The following PCDH9 variants were observed in gnomAD, a reference collection of about 807,000 sequenced individuals.
The protein encoded by PCDH9 is protocadherin 9.
PCDH9 carries 24 observed loss-of-function variants against 70.6 expected under a neutral mutation model. That is an observed-to-expected ratio of 0.34 (90% CI 0.25 to 0.48). The LOEUF (loss-of-function observed/expected upper bound fraction) is 0.48. Among genes scored for constraint, PCDH9 ranks in the 20% least tolerant of loss-of-function variants. PCDH9 has a pLI of 0.99. For missense variants in PCDH9, 1,281 were observed against 1,503.6 expected (o/e 0.85, Z 2.45); for synonymous variants, 562 against 558.5 (o/e 1.01, Z -0.09).
chr13:66,851,931 C>T (rs1432055144), intron 3 of PCDH9, among the ~76,000 whole-genome samples: 1 of 152,082 alleles, frequency 6.6e-6, no homozygotes, highest in Non-Finnish European at 1.5e-5. Flanking sequence ...CCCTTCCTAC[C>T]TTGCATATGC....
At position 66,318,585 on chromosome 13, in the gene PCDH9, G is replaced by A. The variant is rs910051533; in HGVS notation, c.3341-13557C>T. On this transcript the variant is annotated intron_variant, in intron 4 of 4. Transcript: ENST00000377865. ...TGCATGCAAAATTTTAGGAAAGCCT[G>A]TATTACCCTCAGAATAAAATGTCTT... Among the ~76,000 whole-genome samples, 5 of 152,120 alleles carry A rather than the reference G, an allele frequency of 3.3e-5. No homozygotes were observed. The South Asian group carries it at 8.3e-4, about 25-fold the overall frequency.
intron 4 of PCDH9, among the ~76,000 whole-genome samples, chr13:66,390,898 G>A (rs1404263974): frequency 6.6e-6 from 1 of 152,170 alleles, no homozygotes; most frequent in East Asian, 1.9e-4. Flanking sequence ...ATATAGAGTA[G>A]AGCATGCCAA....
At chr13:66,779,738 T>C (rs2079958452) in intron 3 of PCDH9, among the ~76,000 whole-genome samples, 1 of 151,326 alleles carries the variant, frequency 6.6e-6, no homozygotes, top group Non-Finnish European at 1.5e-5. Context: ...GGAGAATCAC[T>C]TGAACCTGGG....
intron 2 of PCDH9, among the ~76,000 whole-genome samples, chr13:67,175,595 A>G (rs2088428091): frequency 6.6e-6 from 1 of 152,170 alleles, no homozygotes; most frequent in African/African-American, 2.4e-5. Context: ...TGTACTACCC[A>G]TACATTAGTC....
intron 4 of PCDH9, among the ~76,000 whole-genome samples, chr13:66,310,164 G>A (rs1036006664): frequency 6.6e-6 from 1 of 151,856 alleles, no homozygotes; most frequent in South Asian, 2.1e-4. Flanking sequence ...CACCGTGCAA[G>A]CCATCTGTCT....
chr13:66,523,850 T>C (rs1960102636), intron 4 of PCDH9, among the ~76,000 whole-genome samples: 1 of 152,116 alleles, frequency 6.6e-6, no homozygotes, highest in Non-Finnish European at 1.5e-5. Context: ...TTTATAAATG[T>C]AAACTTTTGA....
intron 4 of PCDH9, among the ~76,000 whole-genome samples, chr13:66,553,257 T>A (rs1170741657): frequency 1.3e-5 from 2 of 152,208 alleles, no homozygotes; most frequent in African/African-American, 2.4e-5. Flanking sequence ...TCCTTATGCA[T>A]CCTTGTATCT....
chr13:66,507,124 T>C (rs1959228957), intron 4 of PCDH9, among the ~76,000 whole-genome samples: 1 of 93,576 alleles, frequency 1.1e-5, no homozygotes, highest in Non-Finnish European at 2.7e-5. Flanking sequence ...ATCACCAACT[T>C]TTCCCCCTGC....
intron 4 of PCDH9, among the ~76,000 whole-genome samples, chr13:66,444,886 G>A (rs914534861): frequency 2.0e-5 from 3 of 151,684 alleles, no homozygotes; most frequent in Admixed American, 2.0e-4. Context: ...ATGAGAACTG[G>A]AGCCAAGAGC....
intron 4 of PCDH9, among the ~76,000 whole-genome samples, chr13:66,564,313 C>T (rs1243116481): frequency 6.6e-6 from 1 of 151,190 alleles, no homozygotes; most frequent in African/African-American, 2.4e-5. Flanking sequence ...TACAGGTGCA[C>T]GCCACTATGC....
intron 3 of PCDH9, among the ~76,000 whole-genome samples, chr13:66,640,867 T>C (rs2077699761): frequency 6.6e-6 from 1 of 152,144 alleles, no homozygotes; most frequent in Admixed American, 6.6e-5. Context: ...GTTTCATTTA[T>C]TTAACTTTTG....
At chr13:67,030,595 A>T (rs2139883623) in intron 2 of PCDH9, among the ~76,000 whole-genome samples, 1 of 152,052 alleles carries the variant, frequency 6.6e-6, no homozygotes, top group South Asian at 2.1e-4. Flanking sequence ...TAAATACCCC[A>T]ATTTGATCAT....
At chr13:66,623,791 A>G (rs965236149) in intron 4 of PCDH9, among the ~76,000 whole-genome samples, 1 of 152,198 alleles carries the variant, frequency 6.6e-6, no homozygotes, top group Non-Finnish European at 1.5e-5. Context: ...CAGTTTACTT[A>G]TAATACTATC....
intron 4 of PCDH9, among the ~76,000 whole-genome samples, chr13:66,343,048 A>T (rs1956158401): frequency 6.6e-6 from 1 of 152,154 alleles, no homozygotes; most frequent in South Asian, 2.1e-4. Flanking sequence ...CAAGCAAAAA[A>T]CAACCAACCC....
chr13:67,053,787 A>G (rs1688495280), intron 2 of PCDH9, among the ~76,000 whole-genome samples: 1 of 152,366 alleles, frequency 6.6e-6, no homozygotes, highest in Middle Eastern at 3.4e-3. Flanking sequence ...ATCCAGGCCC[A>G]TGTTTGAAGC....
At chr13:66,556,212 C>T (rs1357867037) in intron 4 of PCDH9, among the ~76,000 whole-genome samples, 1 of 151,686 alleles carries the variant, frequency 6.6e-6, no homozygotes, top group Non-Finnish European at 1.5e-5. Flanking sequence ...TTTTTGACTC[C>T]ATATTTTTTA....
chr13:66,412,507 G>A (rs150850001), intron 4 of PCDH9, among the ~76,000 whole-genome samples: 21 of 152,134 alleles, frequency 1.4e-4, no homozygotes, highest in African/African-American at 3.4e-4. Context: ...TATTTCTATT[G>A]CTACTCCACT....
intron 4 of PCDH9, among the ~76,000 whole-genome samples, chr13:66,627,814 A>C (rs2077518295): frequency 6.6e-6 from 1 of 152,132 alleles, no homozygotes. Context: ...GATTTCTTGA[A>C]GCTAGTTTGA....
rs560223983 is a variant in PCDH9 at position 67,087,055 on chromosome 13, G to A, written c.3036+138350C>T. Among the ~76,000 whole-genome samples, 26 of 135,324 alleles carry A rather than the reference G, an allele frequency of 1.9e-4. 1 individual carries two copies. The South Asian group carries it at 4.7e-3, about 24-fold the overall frequency. The allele number at this position is 135,324 out of a possible 152,430, so 88.8% of individuals were successfully genotyped here. A position where few individuals can be genotyped will look rare whatever the true frequency, so the allele number is the denominator to read the frequency against. ...TGTTTGTTCATTTCCCTGTACATTCGTAACCATCAAGAAGAGAGTTTTGAT... is the reference window on the plus strand; with the variant it reads ...TGTTTGTTCATTTCCCTGTACATTCATAACCATCAAGAAGAGAGTTTTGAT... On this transcript the variant is annotated intron_variant, in intron 2 of 4. Transcript: ENST00000377865.
Sources: gnomAD v4.1 joint callset for allele counts (sites outside exome capture counted in the v4.1 genomes callset) on GRCh38, gnomAD v4.1.1 for gene constraint, MANE v1.5 for transcripts, NCBI Gene and HGNC (gene_info 2026-07-23, HGNC 2026-07-21) for gene names.